MON2: variants seen among roughly 807,000 people sequenced by gnomAD.
MON2 encodes the protein protein MON2 homolog.
In MON2, 84 loss-of-function variants were observed where a neutral mutation model predicts 208.6. The observed-to-expected ratio is 0.40, with a 90% CI of 0.34 to 0.48. The LOEUF (loss-of-function observed/expected upper bound fraction) is 0.48, where lower values mean the gene tolerates loss of function less well. Ranked by LOEUF, MON2 falls within the 20% of genes least tolerant of loss-of-function variation. The pLI is 0.59. For synonymous variants in MON2, 660 were observed against 694.0 expected (o/e 0.95, Z 0.77); for missense variants, 1,611 against 2,015.4 (o/e 0.80, Z 3.84).
rs759823753 is a variant in MON2 at position 62,538,463 on chromosome 12, C to T, written c.2322C>T (p.Ser774=). Reference sequence around the variant, plus strand: ...ATCATTTAATAAATGCACTTTGCTCCTTGTCTCTAGAAGCAATGGATATGG... The same window carrying T: ...ATCATTTAATAAATGCACTTTGCTCTTTGTCTCTAGAAGCAATGGATATGG... ...SLHHLINALC[S]LSLEAMDMAY... The change falls in exon 19 of 35, where the codon TCC becomes TCT. Residue 774 remains serine (S), a synonymous_variant. Coordinates refer to ENST00000393630, the MANE Select transcript of MON2 (RefSeq NM_015026.3). 3.2e-5 allele frequency: 52 copies of T among 1,611,192 alleles called. No individual in the cohort carries two copies. Among genetic ancestry groups the T allele is most frequent in the Non-Finnish European group, 4.3e-5 (51 of 1,178,060 alleles).
chr12:62,543,276 T>G (rs1210871045), intron 20 of MON2, 78 bp downstream of exon 20: 7 of 726,888 alleles, frequency 9.6e-6, no homozygotes, highest in Non-Finnish European at 1.4e-5. Flanking sequence ...AATAGCCATT[T>G]GAAAAATCAG....
intron 2 of MON2, among the ~76,000 whole-genome samples, chr12:62,490,371 A>G (rs1325065609): frequency 5.3e-5 from 8 of 152,064 alleles, no homozygotes; most frequent in African/African-American, 1.9e-4. Flanking sequence ...ATGACATACA[A>G]AATGGTTAAA....
intron 25 of MON2, among the ~76,000 whole-genome samples, chr12:62,559,577 A>G (rs529436157): frequency 4.2e-4 from 64 of 152,316 alleles, no homozygotes; most frequent in Middle Eastern, 3.4e-3. Flanking sequence ...CAGGAGTTCA[A>G]GACCAGACTG....
intron 24 of MON2, among the ~76,000 whole-genome samples, chr12:62,555,706 G>A (rs967689453): frequency 3.3e-5 from 5 of 151,424 alleles, no homozygotes; most frequent in African/African-American, 1.2e-4. Context: ...CTACTCAGGA[G>A]TCTGAGGCAG....
intron 8 of MON2, among the ~76,000 whole-genome samples, chr12:62,512,857 C>T (rs568917753): frequency 3.3e-5 from 5 of 152,206 alleles, no homozygotes; most frequent in African/African-American, 1.2e-4. Flanking sequence ...GAAATCTAGG[C>T]AGAGGTTTCC....
In MON2 at chr12:62,566,390, C is replaced by G; in HGVS notation, c.4263C>G (p.Tyr1421Ter). ...CTTTAGAAGTAGTTGTGGATTTATA[C>G]CAAAAAACAGCGTGTCACAAAGCAG... ...ERSLEVVVDL[Y>*]QKTACHKAVV... is the part of the protein sequence containing the mutation. Residue 1421 changes from tyrosine (Y) to a stop codon, truncating the protein, a stop_gained, in exon 29 of 35, where the codon TAC becomes TAG. Transcript: ENST00000393630. LOFTEE classifies it high-confidence loss of function. 6.2e-7 allele frequency: 1 copy of G among 1,613,302 alleles called. No individual in the cohort carries two copies.
intron 19 of MON2, 104 bp downstream of exon 19, chr12:62,538,609 G>A: frequency 1.3e-6 from 1 of 784,134 alleles, no homozygotes; most frequent in African/African-American, 1.7e-5. Context: ...CACTCAGATT[G>A]TATGGTAACC....
rs1019260287 is a variant in MON2, at chr12:62,595,655, G to C, written c.*2906G>C. 6.6e-6 allele frequency: 1 copy of C among 152,098 alleles called. No individual in the cohort carries two copies. The highest frequency in any genetic ancestry group is 1.5e-5 in the Non-Finnish European group (1 of 68,004). The allele number at this position is 152,098 out of a possible 1,614,324, so 9.4% of individuals were successfully genotyped here. On this transcript the variant is annotated 3_prime_UTR_variant, in exon 35 of 35. Transcript: ENST00000393630. ...CTATGCTACCACCACTGCCAAGGGA[G>C]AAAAAAATACATCATTTTGTAATGT...
At chr12:62,590,816 G>A (rs1430176005) in intron 34 of MON2, among the ~76,000 whole-genome samples, 1 of 152,104 alleles carries the variant, frequency 6.6e-6, no homozygotes, top group African/African-American at 2.4e-5. Flanking sequence ...AAGTAGCTGG[G>A]ACCACCACGT....
intron 7 of MON2, among the ~76,000 whole-genome samples, chr12:62,506,585 G>A (rs774802137): frequency 3.9e-5 from 6 of 152,082 alleles, no homozygotes; most frequent in African/African-American, 1.4e-4. Flanking sequence ...AATTAGCCAG[G>A]TGTGGTGGCA....
chr12:62,592,880 A>G lies in MON2; in HGVS notation c.*131A>G. ...CTGTTGTTGGCCTCCTTTAAATTCT[A>G]CTTACCTGAGTTCAGTAATTCATAT... On this transcript the variant is annotated 3_prime_UTR_variant, in exon 35 of 35. Coordinates refer to ENST00000393630, the MANE Select transcript of MON2 (RefSeq NM_015026.3). The G allele has an allele frequency of 1.1e-6, 1 of 891,474 alleles. No homozygotes were observed. The highest frequency in any genetic ancestry group is 2.6e-5 in the East Asian group (1 of 38,822). 55.2% of individuals were successfully genotyped at this position (891,474 alleles called of 1,614,324 possible).
chr12:62,591,263 A>G (rs2075389061), intron 34 of MON2, among the ~76,000 whole-genome samples: 1 of 152,182 alleles, frequency 6.6e-6, no homozygotes, highest in South Asian at 2.1e-4. Context: ...AACATATTAA[A>G]ACAGAGAAAA....
chr12:62,598,154 G>A lies in MON2; in HGVS notation c.*5405G>A, dbSNP rs1382505060. The A allele has an allele frequency of 6.6e-6, 1 of 152,114 alleles. No homozygotes were observed. The highest frequency in any genetic ancestry group is 1.9e-4 in the East Asian group (1 of 5,184). 9.4% of individuals were successfully genotyped at this position (152,114 alleles called of 1,614,324 possible). On this transcript the variant is annotated 3_prime_UTR_variant, in exon 35 of 35. Transcript: ENST00000393630. ...TCTCATATCTGAGTCTTTCTGGAGT[G>A]TATTTGGTGTCTGTGTGATTGGTTC...
At chr12:62,494,342 G>A (rs1015977185) in intron 3 of MON2, among the ~76,000 whole-genome samples, 1 of 152,116 alleles carries the variant, frequency 6.6e-6, no homozygotes, top group African/African-American at 2.4e-5. Context: ...ATAAAAAGAG[G>A]AGGGAAGAGC....
rs150027584 is a variant in MON2, at chr12:62,530,520, C to T, written c.1401-1918C>T. Among the ~76,000 whole-genome samples, 659 of 152,216 alleles carry T rather than the reference C, an allele frequency of 4.3e-3. 6 individuals are homozygous for T. The highest frequency in any genetic ancestry group is 0.015 in the African/African-American group (614 of 41,540). ...TGCTGGGATTACAGGCATGAGCCAC[C>T]GTGTCCGGCCCAGCATAATGTTTTG... On this transcript the variant is annotated intron_variant, in intron 11 of 34. Transcript: ENST00000393630.
chr12:62,566,453 A>G lies in MON2; in HGVS notation c.4323+3A>G, dbSNP rs368634323. Reference sequence around the variant, plus strand: ...AAGTGCTCCAGAATATTATTAAGGTATCTTTTTTTCATTTCTACACTTTCA... The same window carrying G: ...AAGTGCTCCAGAATATTATTAAGGTGTCTTTTTTTCATTTCTACACTTTCA... On this transcript the variant is annotated splice_donor_region_variant and intron_variant, in intron 29 of 34. Coordinates refer to ENST00000393630, the MANE Select transcript of MON2 (RefSeq NM_015026.3). 3 of 1,609,486 alleles carry G rather than the reference A, an allele frequency of 1.9e-6. No individual in the cohort carries two copies. The highest frequency in any genetic ancestry group is 2.5e-6 in the Non-Finnish European group (3 of 1,178,342).
Position 62,574,441 on chromosome 12 carries a change from T to C in MON2, c.4514+2859T>C, listed in dbSNP as rs552770163. Among the ~76,000 whole-genome samples the C allele has an allele frequency of 2.0e-5, 3 of 152,176 alleles. No homozygotes were observed. The East Asian group carries it at 5.8e-4, about 30-fold the overall frequency. ...ACCCAGGCTGGAGTGAAGTCGCATG[T>C]TCATGGCTCACTGCGGCCTTGACCT... is the stretch of plus-strand genomic sequence containing the variant. On this transcript the variant is annotated intron_variant, in intron 30 of 34. Coordinates refer to ENST00000393630, the MANE Select transcript of MON2 (RefSeq NM_015026.3).
At chr12:62,544,097 G>A (rs935831470) in intron 20 of MON2, among the ~76,000 whole-genome samples, 3 of 152,106 alleles carry the variant, frequency 2.0e-5, no homozygotes, top group Non-Finnish European at 4.4e-5. Context: ...TTTAGGTTTA[G>A]GTTACCATAG....
rs2071219092 is a variant in MON2, at chr12:62,508,459, T to A, written c.963T>A (p.Ile321=). ...MRLLRVVSVL[I]KQFYSLLVTE... is the part of the protein sequence containing the mutation. ...TGCTGAGAGTAGTATCTGTTCTGAT[T>A]AAGCAGTTTTACAGTCTTTTGGTAA... The change falls in exon 8 of 35, where the codon ATT becomes ATA. Residue 321 remains isoleucine, a synonymous_variant. Transcript: ENST00000393630. 6.2e-7 allele frequency: 1 copy of A among 1,613,916 alleles called. No homozygotes were observed. The highest frequency in any genetic ancestry group is 1.7e-5 in the Admixed American group (1 of 60,016).
Sources: allele counts gnomAD v4.1 joint callset (sites outside exome capture counted in the v4.1 genomes callset), GRCh38; gene constraint gnomAD v4.1.1; transcripts MANE v1.5; gene names NCBI Gene and HGNC (gene_info 2026-07-23, HGNC 2026-07-21).